The following ZNF726 variants were observed in gnomAD, a reference collection of about 807,000 sequenced individuals.
ZNF726 encodes zinc finger protein 92 pseudogene 3.
ZNF726 carries 15 observed loss-of-function variants against 11.6 expected under a neutral mutation model. That is an observed-to-expected ratio of 1.29 (90% CI 0.86 to 1.99). The LOEUF (loss-of-function observed/expected upper bound fraction) is 1.99, where lower values mean the gene tolerates loss of function less well. Among genes scored for constraint, ZNF726 ranks in the 30% most tolerant of loss-of-function variants. The pLI is 0.00. For missense variants in ZNF726, 890 were observed against 725.6 expected (o/e 1.23, Z -2.60); for synonymous variants, 295 against 243.6 (o/e 1.21, Z -1.96).
chr19:23,944,101 G>T (rs995232132), intron 4 of ZNF726: 1 of 152,100 alleles, frequency 6.6e-6, no homozygotes, highest in Non-Finnish European at 1.5e-5. Context: ...GTTTTCATTT[G>T]CAGTTGCCTG....
intron 3 of ZNF726, among the ~76,000 whole-genome samples, chr19:23,923,168 G>A (rs1259469317): frequency 6.6e-6 from 1 of 151,950 alleles, no homozygotes; most frequent in African/African-American, 2.4e-5. Context: ...TTTCACATAT[G>A]AGGCTCTAAC....
intron 3 of ZNF726, among the ~76,000 whole-genome samples, chr19:23,930,649 G>A (rs1474591229): frequency 1.3e-5 from 2 of 151,688 alleles, no homozygotes; most frequent in African/African-American, 4.8e-5. Context: ...TGTTGTGAAT[G>A]GTTTTCTAAT....
At chr19:23,940,285 A>G (rs978579129) in intron 3 of ZNF726, among the ~76,000 whole-genome samples, 4 of 151,894 alleles carry the variant, frequency 2.6e-5, no homozygotes, top group Non-Finnish European at 5.9e-5. Flanking sequence ...CCTTTCCCAC[A>G]TTATGTTTTT....
At chr19:23,925,155 G>T (rs1312649344) in intron 3 of ZNF726, among the ~76,000 whole-genome samples, 1 of 151,282 alleles carries the variant, frequency 6.6e-6, no homozygotes, top group African/African-American at 2.4e-5. Flanking sequence ...TTCTCAAAGT[G>T]TATCTTCAAA....
intron 4 of ZNF726, chr19:23,943,648 T>A (rs371298709): frequency 3.8e-6 from 2 of 520,564 alleles, no homozygotes; most frequent in Non-Finnish European, 7.1e-6. Context: ...TCAAAAAGAA[T>A]GCCAGACTTT....
intron 3 of ZNF726, among the ~76,000 whole-genome samples, chr19:23,931,254 G>A (rs1294843839): frequency 6.6e-6 from 1 of 152,198 alleles, no homozygotes; most frequent in African/African-American, 2.4e-5. Flanking sequence ...TTACAGGCAT[G>A]AGCCACCGCT....
At chr19:23,929,727 C>T (rs1456773735) in intron 3 of ZNF726, among the ~76,000 whole-genome samples, 1 of 151,980 alleles carries the variant, frequency 6.6e-6, no homozygotes, top group South Asian at 2.1e-4. Context: ...AAGATTATAC[C>T]TCTATATTTT....
chr19:23,929,629 C>T (rs1010589589), intron 3 of ZNF726, among the ~76,000 whole-genome samples: 1 of 152,080 alleles, frequency 6.6e-6, no homozygotes, highest in African/African-American at 2.4e-5. Context: ...ATGGGCAAAC[C>T]ATATCATCTT....
chr19:23,943,639 CA>C, intron 4 of ZNF726: 2 of 540,956 alleles, frequency 3.7e-6, no homozygotes, highest in South Asian at 2.6e-5. Context: ...GTTCAAAGGT[CA>C]AAAAGAATGC....
At chr19:23,915,289 T>C (rs1391074199) in intron 1 of ZNF726, among the ~76,000 whole-genome samples, 1 of 152,096 alleles carries the variant, frequency 6.6e-6, no homozygotes, top group Non-Finnish European at 1.5e-5. Flanking sequence ...GCAGGGACCA[T>C]GGGAGGAACG....
intron 3 of ZNF726, among the ~76,000 whole-genome samples, chr19:23,931,104 G>T (rs1015639653): frequency 2.1e-4 from 32 of 152,126 alleles, no homozygotes; most frequent in African/African-American, 7.7e-4. Context: ...CTGAGTAGCT[G>T]GGGCTGCAGG....
At chr19:23,941,277 A>T (rs1276724197) in intron 3 of ZNF726, among the ~76,000 whole-genome samples, 1 of 152,146 alleles carries the variant, frequency 6.6e-6, no homozygotes, top group East Asian at 1.9e-4. Flanking sequence ...GTGGTGTATC[A>T]CATTTGTTGA....
rs374902806 is a variant in ZNF726, at chr19:23,939,862, A to ATTT, written c.227-3614_227-3612dup. Among the ~76,000 whole-genome samples, 19 of 87,136 alleles carry ATTT rather than the reference A, an allele frequency of 2.2e-4. 1 individual carries two copies. The highest frequency in any genetic ancestry group is 3.7e-4 in the African/African-American group (8 of 21,788). 57.2% of individuals were successfully genotyped at this position (87,136 alleles called of 152,430 possible). Reference sequence around the variant, plus strand: ...TGTCTTTGGCCCACTTTTTGATGGGATTTTTTTTTTTTTTTTTTTTCTGAC... The same window carrying ATTT: ...TGTCTTTGGCCCACTTTTTGATGGGATTTTTTTTTTTTTTTTTTTTTTTCTGAC... On this transcript the variant is annotated intron_variant, in intron 3 of 4. Coordinates refer to the ZNF726 transcript ENST00000334589.
chr19:23,921,417 A>AT, intron 3 of ZNF726: 1 of 152,180 alleles, frequency 6.6e-6, no homozygotes, highest in Non-Finnish European at 1.5e-5. Context: ...TAGGATTGTA[A>AT]TTTTCATTAC....
At chr19:23,915,979 T>C (rs1020717271) in intron 1 of ZNF726, among the ~76,000 whole-genome samples, 2 of 152,248 alleles carry the variant, frequency 1.3e-5, no homozygotes, top group Non-Finnish European at 2.9e-5. Flanking sequence ...GCCTGAATTT[T>C]GTTTCTGCCA....
rs753536115 is a variant in ZNF726 at position 23,933,391 on chromosome 19, C to T, written c.1275C>T (p.Tyr425=). The change falls in exon 4 of 4, where the codon TAC becomes TAT. Residue 425 remains tyrosine, a synonymous_variant. Transcript: ENST00000594466. ...HKIIHTGEKP[Y]KCEECGKAFI... Reference sequence around the variant, plus strand: ...TAATTCATACTGGAGAGAAACCTTACAAGTGTGAAGAATGCGGCAAAGCGT... The same window carrying T: ...TAATTCATACTGGAGAGAAACCTTATAAGTGTGAAGAATGCGGCAAAGCGT... 1.9e-6 allele frequency: 3 copies of T among 1,612,736 alleles called. No individual in the cohort carries two copies. The Admixed American group carries it at 5.0e-5, about 27-fold the overall frequency.
In ZNF726 at chr19:23,932,463, G is replaced by A. The variant is rs1968128291; in HGVS notation, c.347G>A (p.Gly116Asp). Residue 116 changes from glycine to aspartate, a missense_variant, in exon 4 of 4, where the codon GGT becomes GAT. Coordinates refer to ENST00000594466, the MANE Select transcript of ZNF726 (RefSeq NM_001244038.2). ...CGHENLQLRK[G>D]CKSVDECKVH... ...CATGAGAATTTACAGTTAAGAAAAG[G>A]TTGTAAAAGTGTGGATGAGTGTAAG... The A allele has an allele frequency of 6.3e-7, 1 of 1,579,704 alleles. No individual in the cohort carries two copies. The highest frequency in any genetic ancestry group is 2.3e-5 in the East Asian group (1 of 44,290).
chr19:23,915,108 G>A, intron 1 of ZNF726, 111 bp downstream of exon 1: 3 of 1,535,528 alleles, frequency 2.0e-6, no homozygotes, highest in African/African-American at 1.4e-5. Context: ...TACAATCTGC[G>A]CCCGAGTTGT....
At chr19:23,941,040 G>A (rs1460908356) in intron 3 of ZNF726, among the ~76,000 whole-genome samples, 2 of 151,942 alleles carry the variant, frequency 1.3e-5, no homozygotes, top group Non-Finnish European at 2.9e-5. Context: ...TTGAGAATGG[G>A]CATCCTTTCT....
Sources: gnomAD v4.1 joint callset for allele counts (sites outside exome capture counted in the v4.1 genomes callset) on GRCh38, gnomAD v4.1.1 for gene constraint, MANE v1.5 for transcripts, NCBI Gene and HGNC (gene_info 2026-07-23, HGNC 2026-07-21) for gene names.